KLHL1: variants seen among roughly 807,000 people sequenced by gnomAD.
KLHL1 encodes kelch-like protein 1.
Under a neutral mutation model 77.7 loss-of-function variants are expected in KLHL1, and 47 were observed. The observed-to-expected ratio is 0.60, with a 90% CI of 0.48 to 0.77. KLHL1 has a LOEUF of 0.77. KLHL1 is among the 30% of genes least tolerant of loss of function. The pLI is 0.00. For synonymous variants in KLHL1, 360 were observed against 325.2 expected (o/e 1.11, Z -1.15); for missense variants, 925 against 910.8 (o/e 1.02, Z -0.20).
At chr13:69,799,961 T>C (rs572415488) in intron 6 of KLHL1, among the ~76,000 whole-genome samples, 5 of 152,138 alleles carry the variant, frequency 3.3e-5, no homozygotes, top group African/African-American at 9.6e-5. Flanking sequence ...GGGATCTAGG[T>C]TGATCATACC....
At chr13:70,106,065 G>A (rs1366888088) in intron 1 of KLHL1, among the ~76,000 whole-genome samples, 1 of 150,930 alleles carries the variant, frequency 6.6e-6, no homozygotes, top group Admixed American at 6.6e-5. Context: ...TAATTAGGGA[G>A]CACATATATA....
intron 5 of KLHL1, among the ~76,000 whole-genome samples, chr13:69,854,390 T>A (rs191138471): frequency 2.6e-5 from 4 of 151,882 alleles, no homozygotes; most frequent in Non-Finnish European, 4.4e-5. Context: ...CATCCAGCTC[T>A]CCCAGGAAAG....
chr13:69,981,508 G>A (rs1340479240), intron 1 of KLHL1, among the ~76,000 whole-genome samples: 2 of 151,860 alleles, frequency 1.3e-5, no homozygotes, highest in African/African-American at 2.4e-5. Context: ...AGACCTGAAT[G>A]TAGTAAAAGA....
intron 7 of KLHL1, among the ~76,000 whole-genome samples, chr13:69,788,694 T>C (rs900899291): frequency 1.3e-5 from 2 of 151,988 alleles, no homozygotes; most frequent in Non-Finnish European, 2.9e-5. Flanking sequence ...TTTATGTATA[T>C]CTTAACTCAT....
intron 1 of KLHL1, among the ~76,000 whole-genome samples, chr13:69,990,726 C>A (rs957317077): frequency 8.6e-5 from 13 of 151,944 alleles, no homozygotes; most frequent in African/African-American, 3.1e-4. Context: ...CAACACCCTG[C>A]TGACAGTATT....
chr13:69,962,327 G>A (rs1884091150), intron 2 of KLHL1, among the ~76,000 whole-genome samples: 1 of 151,898 alleles, frequency 6.6e-6, no homozygotes, highest in Admixed American at 6.6e-5. Flanking sequence ...GGTACATCTG[G>A]TGAATTATGT....
At chr13:69,903,828 G>T (rs1881956607) in intron 4 of KLHL1, among the ~76,000 whole-genome samples, 1 of 151,228 alleles carries the variant, frequency 6.6e-6, no homozygotes, top group Admixed American at 6.6e-5. Context: ...TTTTAGTAGA[G>T]ACGGGGTTTC....
intron 1 of KLHL1, among the ~76,000 whole-genome samples, chr13:70,101,270 C>T (rs1032287601): frequency 1.7e-5 from 1 of 59,994 alleles, no homozygotes. Flanking sequence ...CAATATTGTC[C>T]TTCAACTAGC....
chr13:69,922,916 ATAT>A (rs915904889), intron 4 of KLHL1, among the ~76,000 whole-genome samples: 39 of 152,330 alleles, frequency 2.6e-4, no homozygotes, highest in Non-Finnish European at 2.2e-4. Context: ...TCAATTTCAA[ATAT>A]TATATAAAAT....
chr13:69,799,154 G>A (rs1174649159), intron 6 of KLHL1, among the ~76,000 whole-genome samples: 1 of 151,928 alleles, frequency 6.6e-6, no homozygotes, highest in Non-Finnish European at 1.5e-5. Context: ...ACCGATGATG[G>A]CAGAAGAAAG....
chr13:69,877,276 A>G (rs558689682), intron 5 of KLHL1, among the ~76,000 whole-genome samples: 12 of 152,194 alleles, frequency 7.9e-5, no homozygotes, highest in Non-Finnish European at 1.8e-4. Context: ...AAATTCATAC[A>G]TAGTAAATAT....
intron 8 of KLHL1, among the ~76,000 whole-genome samples, chr13:69,736,467 T>C (rs1312745218): frequency 6.6e-6 from 1 of 152,174 alleles, no homozygotes; most frequent in African/African-American, 2.4e-5. Flanking sequence ...ACAACTTCTA[T>C]GGAAAACAGT....
intron 4 of KLHL1, among the ~76,000 whole-genome samples, chr13:69,903,432 C>G (rs1881938269): frequency 6.6e-6 from 1 of 152,028 alleles, no homozygotes; most frequent in African/African-American, 2.4e-5. Flanking sequence ...AGCAAGTTTG[C>G]ATTATTCAAT....
intron 6 of KLHL1, among the ~76,000 whole-genome samples, chr13:69,804,184 A>G (rs1369407377): frequency 6.6e-6 from 1 of 152,208 alleles, no homozygotes; most frequent in African/African-American, 2.4e-5. Flanking sequence ...CTCATGACAA[A>G]ACGAACGGTA....
At chr13:69,880,084 T>C (rs1384049589) in intron 5 of KLHL1, among the ~76,000 whole-genome samples, 3 of 152,190 alleles carry the variant, frequency 2.0e-5, no homozygotes, top group Admixed American at 6.5e-5. Context: ...ACTCATATTG[T>C]AGAAATATCT....
chr13:69,968,657 A>T (rs1884290839), intron 2 of KLHL1, among the ~76,000 whole-genome samples: 1 of 151,982 alleles, frequency 6.6e-6, no homozygotes, highest in Non-Finnish European at 1.5e-5. Flanking sequence ...TCTGTCAAAG[A>T]CTCCTTAGAA....
At chr13:69,870,617 T>C (rs1488842712) in intron 5 of KLHL1, among the ~76,000 whole-genome samples, 2 of 152,008 alleles carry the variant, frequency 1.3e-5, no homozygotes, top group Non-Finnish European at 2.9e-5. Flanking sequence ...GTTACAGCTG[T>C]GATCCTACAA....
chr13:69,831,699 G>A lies in KLHL1; in HGVS notation c.1414+7277C>T, dbSNP rs748493418. ...ATACACATATATGCAAAAATCCTCC[G>A]CAAAATACTAGCTAAATAAATCCAA... On this transcript the variant is annotated intron_variant, in intron 6 of 10. Transcript: ENST00000377844. Among the ~76,000 whole-genome samples the A allele has an allele frequency of 5.3e-5, 8 of 149,708 alleles. No homozygotes were observed. In the East Asian group the frequency reaches 5.8e-4, roughly 11 times the overall value.
At chr13:69,952,476 G>A (rs1883739471) in intron 3 of KLHL1, among the ~76,000 whole-genome samples, 2 of 151,284 alleles carry the variant, frequency 1.3e-5, no homozygotes. Context: ...AAGAAAATAT[G>A]GGGTAGGACA....
Sources: allele counts gnomAD v4.1 joint callset (sites outside exome capture counted in the v4.1 genomes callset), GRCh38; gene constraint gnomAD v4.1.1; transcripts MANE v1.5; gene names NCBI Gene and HGNC (gene_info 2026-07-23, HGNC 2026-07-21).